Variants in MYPN observed in about 807,000 individuals in gnomAD.
MYPN encodes myopalladin.
A neutral mutation model predicts 129.4 loss-of-function variants in MYPN; 63 were observed. The ratio of observed to expected loss-of-function variants is 0.49; its 90% CI spans 0.40 to 0.60. MYPN has a LOEUF of 0.60. MYPN is among the 20% of genes least tolerant of loss of function. The pLI, the probability that MYPN is intolerant of heterozygous loss-of-function variation, is 0.00. For missense variants in MYPN, 1,596 were observed against 1,635.4 expected, an observed-to-expected ratio of 0.98 and a Z score of 0.42; for synonymous variants, 629 against 600.9, an observed-to-expected ratio of 1.05 and a Z score of -0.68.
chr10:68,141,596 A>T (rs543203209), intron 2 of MYPN, among the ~76,000 whole-genome samples: 1 of 152,144 alleles, frequency 6.6e-6, no homozygotes, highest in Admixed American at 6.5e-5. Flanking sequence ...GAGCCATCTC[A>T]CTCCTATCTG....
chr10:68,093,552 C>G (rs1410012970), intron 1 of MYPN, among the ~76,000 whole-genome samples: 1 of 139,678 alleles, frequency 7.2e-6, no homozygotes, highest in African/African-American at 2.7e-5. Flanking sequence ...TCCCGGCTAA[C>G]GTGGTGAAAC....
intron 19 of MYPN, among the ~76,000 whole-genome samples, chr10:68,209,386 C>T (rs1024070887): frequency 2.0e-5 from 3 of 152,214 alleles, no homozygotes; most frequent in African/African-American, 7.2e-5. Flanking sequence ...AATTACTTTT[C>T]AGTCTTCTTG....
At chr10:68,148,311 T>C (rs2042704097) in intron 4 of MYPN, 42 bp from the exon 5 acceptor site, 1 of 1,438,636 alleles carries the variant, frequency 7.0e-7, no homozygotes, top group Non-Finnish European at 9.8e-7. Context: ...TCACAAAGAG[T>C]GATAGGTCTA....
At chr10:68,096,831 A>G (rs1478822757) in intron 1 of MYPN, among the ~76,000 whole-genome samples, 1 of 152,226 alleles carries the variant, frequency 6.6e-6, no homozygotes, top group Admixed American at 6.5e-5. Context: ...ACTTAACCTT[A>G]ACAATAATTT....
At chr10:68,195,994 G>C (rs1291739186) in intron 15 of MYPN, among the ~76,000 whole-genome samples, 1 of 152,006 alleles carries the variant, frequency 6.6e-6, no homozygotes, top group Non-Finnish European at 1.5e-5. Context: ...TGTAGAGACA[G>C]GTGTCTCACT....
chr10:68,141,097 G>T (rs374925112), intron 2 of MYPN, among the ~76,000 whole-genome samples: 2 of 152,082 alleles, frequency 1.3e-5, no homozygotes, highest in Admixed American at 6.6e-5. Flanking sequence ...AGGGCCAGGC[G>T]CAGTGGCTCA....
chr10:68,210,742 G>T lies in MYPN; in HGVS notation c.*287G>T, dbSNP rs577475117. The T allele has an allele frequency of 1.6e-4, 82 of 524,140 alleles. 1 individual carries two copies. The highest frequency in any genetic ancestry group is 1.4e-3 in the African/African-American group (73 of 52,758). 32.5% of individuals were successfully genotyped at this position (524,140 alleles called of 1,614,324 possible). A position where few individuals can be genotyped will look rare whatever the true frequency, so the allele number is the denominator to read the frequency against. On this transcript the variant is annotated 3_prime_UTR_variant, in exon 20 of 20. Coordinates refer to ENST00000358913, the MANE Select transcript of MYPN (RefSeq NM_032578.4). ...CACTGCTTTGGGAAAAAACTAGCAT[G>T]CTCCCCTGCTCCCTGTTGTGTTAGG...
At chr10:68,138,866 A>G (rs188386244) in intron 2 of MYPN, among the ~76,000 whole-genome samples, 9 of 152,302 alleles carry the variant, frequency 5.9e-5, no homozygotes, top group Non-Finnish European at 8.8e-5. Flanking sequence ...TGGTAGGGTA[A>G]AGTGAATGCT....
chr10:68,136,223 C>A, intron 2 of MYPN: 1 of 986,128 alleles, frequency 1.0e-6, no homozygotes, highest in Non-Finnish European at 1.2e-6. Context: ...TGCTAGCTAG[C>A]CAAATGAGCA....
intron 1 of MYPN, among the ~76,000 whole-genome samples, chr10:68,097,803 C>T (rs1417213316): frequency 6.6e-6 from 1 of 151,338 alleles, no homozygotes; most frequent in African/African-American, 2.4e-5. Flanking sequence ...CGTGTCCAAA[C>T]CAAATGGGGC....
intron 4 of MYPN, 144 bp downstream of exon 4, chr10:68,145,670 C>T (rs564651764): frequency 9.8e-6 from 7 of 714,998 alleles, no homozygotes; most frequent in Non-Finnish European, 1.4e-5. Flanking sequence ...AACAAACAAA[C>T]AAACAAATTG....
chr10:68,206,370 C>T (rs753286245), intron 18 of MYPN, among the ~76,000 whole-genome samples: 3 of 152,134 alleles, frequency 2.0e-5, no homozygotes, highest in South Asian at 2.1e-4. Context: ...TAGGAAATGC[C>T]GTCTATGCTG....
At chr10:68,177,610 T>C (rs2043248030) in intron 12 of MYPN, among the ~76,000 whole-genome samples, 1 of 152,206 alleles carries the variant, frequency 6.6e-6, no homozygotes, top group Non-Finnish European at 1.5e-5. Flanking sequence ...CTGTCTAAAA[T>C]ATACTGTGAC....
In MYPN at chr10:68,201,952, A is replaced by G. The variant is rs1292050938; in HGVS notation, c.3617A>G (p.Lys1206Arg). ...ATGCCCCCACCTGTGTTCTACTGGA[A>G]GAAAGACAATGAGACCATCCCTTGC... ...IGMPPPVFYW[K>R]KDNETIPCTR... is the part of the protein sequence containing the mutation. The change falls in exon 18 of 20, where the codon AAG (lysine) becomes AGG (arginine). Residue 1206 changes from lysine (K) to arginine (R), a missense_variant. Lys to Arg is a conservative substitution (Grantham distance 26, BLOSUM62 2). Transcript: ENST00000358913. 6.2e-7 allele frequency: 1 copy of G among 1,614,106 alleles called. No homozygotes were observed. Among genetic ancestry groups the G allele is most frequent in the Non-Finnish European group, 8.5e-7 (1 of 1,179,994 alleles).
chr10:68,109,854 C>T lies in MYPN; in HGVS notation c.-2+131C>T, dbSNP rs778783401. The T allele has an allele frequency of 1.7e-5, 6 of 350,148 alleles. No individual in the cohort carries two copies. In the East Asian group the frequency reaches 2.9e-4, roughly 17 times the overall value. The allele number at this position is 350,148 out of a possible 1,614,324, so 21.7% of individuals were successfully genotyped here. On this transcript the variant is annotated intron_variant, in intron 1 of 19. Coordinates refer to ENST00000358913, the MANE Select transcript of MYPN (RefSeq NM_032578.4). The stretch of plus-strand genomic sequence containing the variant: ...AGGATAACTGTCTAATTACATATGA[C>T]GGGACACGAAATTAAGTGAAAAATA...
chr10:68,149,466 T>C (rs1156260774), intron 5 of MYPN, among the ~76,000 whole-genome samples: 1 of 152,186 alleles, frequency 6.6e-6, no homozygotes, highest in Non-Finnish European at 1.5e-5. Context: ...TTTTCTGTTT[T>C]TCAAAAAATT....
intron 2 of MYPN, among the ~76,000 whole-genome samples, chr10:68,123,402 C>T (rs1443422076): frequency 1.4e-5 from 2 of 147,480 alleles, no homozygotes; most frequent in East Asian, 2.1e-4. Flanking sequence ...TTAGGCCTGG[C>T]GCAGTGGCTC....
chr10:68,149,163 G>GGCCACT (rs3084670), intron 5 of MYPN, among the ~76,000 whole-genome samples: 16 of 151,846 alleles, frequency 1.1e-4, no homozygotes, highest in African/African-American at 3.6e-4. Context: ...GAGAGGTCAA[G>GGCCACT]GTGACCTGTG....
intron 6 of MYPN, among the ~76,000 whole-genome samples, chr10:68,153,951 C>A (rs1873110): frequency 0.66 from 99,378 of 151,506 alleles, 33,851 homozygotes; most frequent in Non-Finnish European, 0.74. Context: ...CAACGCTTAG[C>A]GAGCAGAGTT....
Sources: gnomAD v4.1 joint callset for allele counts (sites outside exome capture counted in the v4.1 genomes callset) on GRCh38, gnomAD v4.1.1 for gene constraint, MANE v1.5 for transcripts, NCBI Gene and HGNC (gene_info 2026-07-23, HGNC 2026-07-21) for gene names.